PBLD: variants seen among roughly 807,000 people sequenced by gnomAD.
The protein encoded by PBLD is phenazine biosynthesis like protein domain containing.
PBLD carries 26 observed loss-of-function variants against 31.3 expected under a neutral mutation model. The observed-to-expected ratio is 0.83, with a 90% confidence interval of 0.61 to 1.15. The LOEUF (loss-of-function observed/expected upper bound fraction) is 1.15. Among genes scored for constraint, PBLD ranks in the 50% most tolerant of loss-of-function variants. The pLI, the probability that PBLD is intolerant of heterozygous loss-of-function variation, is 0.00. For missense variants in PBLD, 307 were observed against 351.7 expected (o/e 0.87, Z 1.02); for synonymous variants, 114 against 129.0 (o/e 0.88, Z 0.79).
chr10:68,297,162 T>C, intron 2 of PBLD, 177 bp from the exon 3 acceptor site: 2 of 604,718 alleles, frequency 3.3e-6, no homozygotes, highest in Non-Finnish European at 2.9e-6. Flanking sequence ...CAGAAACCCA[T>C]GCTTGCAGTG....
In PBLD at chr10:68,296,922, T is replaced by C. The variant is rs139798425; in HGVS notation, c.148A>G (p.Ile50Val). The change falls in exon 3 of 10, where the codon ATC (isoleucine) becomes GTC (valine). Residue 50 changes from isoleucine (I) to valine (V), a missense_variant. Transcript: ENST00000358769. ...TTGTCTGTCGGGTGCAGTTTTCGGA[T>C]AAAAGCAGTTTCAGAGAGGTTCATC... The part of the protein sequence containing the change: ...REMNLSETAF[I>V]RKLHPTDNFA... The C allele has an allele frequency of 6.2e-7, 1 of 1,614,050 alleles. No homozygotes were observed. The highest frequency in any genetic ancestry group is 1.3e-5 in the African/African-American group (1 of 75,052).
At chr10:68,310,026 C>G (rs1589664102) in intron 1 of PBLD, among the ~76,000 whole-genome samples, 1 of 148,922 alleles carries the variant, frequency 6.7e-6, no homozygotes, top group East Asian at 2.1e-4. Context: ...ATCCCACCTA[C>G]TTGGGAGGCT....
chr10:68,301,390 T>C (rs1564729908), intron 2 of PBLD, among the ~76,000 whole-genome samples: 2 of 152,060 alleles, frequency 1.3e-5, no homozygotes, highest in South Asian at 2.1e-4. Flanking sequence ...AAGACAACAA[T>C]GTTAACAATT....
At chr10:68,288,850 A>C in intron 7 of PBLD, 81 bp downstream of exon 7, 1 of 1,405,908 alleles carries the variant, frequency 7.1e-7, no homozygotes. Flanking sequence ...TTGACTGGAC[A>C]CAGCACAGCC....
At chr10:68,319,111 G>GGAAGAAAGAAAGAAA (rs2044791608) in intron 1 of PBLD, among the ~76,000 whole-genome samples, 12 of 115,610 alleles carry the variant, frequency 1.0e-4, no homozygotes, top group Admixed American at 1.8e-4. Flanking sequence ...AAGAAAGAAA[G>GGAAGAAAGAAAGAAA]GAAAAAGAAA....
chr10:68,305,213 A>C (rs2044559169), intron 2 of PBLD, among the ~76,000 whole-genome samples: 1 of 152,030 alleles, frequency 6.6e-6, no homozygotes, highest in South Asian at 2.1e-4. Flanking sequence ...TAAAGTTTTA[A>C]AAAATAAAAA....
At chr10:68,321,779 C>T (rs2044838298) in intron 1 of PBLD, among the ~76,000 whole-genome samples, 2 of 152,138 alleles carry the variant, frequency 1.3e-5, no homozygotes, top group South Asian at 2.1e-4. Context: ...GAAGCAAGAA[C>T]AATTTGAGTA....
At chr10:68,294,870 G>A (rs1175703423) in intron 4 of PBLD, among the ~76,000 whole-genome samples, 2 of 152,162 alleles carry the variant, frequency 1.3e-5, no homozygotes, top group African/African-American at 4.8e-5. Flanking sequence ...TGGGACTACC[G>A]GCGCCCGCCA....
chr10:68,297,992 A>C (rs908436395), intron 2 of PBLD, among the ~76,000 whole-genome samples: 4 of 151,056 alleles, frequency 2.6e-5, no homozygotes, highest in Admixed American at 6.6e-5. Context: ...TTAGCTGGGC[A>C]TGGTGGCTTA....
At position 68,288,953 on chromosome 10, in the gene PBLD, G is replaced by A. The variant is rs756908917; in HGVS notation, c.490C>T (p.Arg164Cys). 4.4e-5 allele frequency: 71 copies of A among 1,614,128 alleles called. No homozygotes were observed. The highest frequency in any genetic ancestry group is 1.1e-4 in the South Asian group (10 of 91,074). The change falls in exon 7 of 10, where the codon CGC (arginine) becomes TGC (cysteine). Residue 164 changes from arginine to cysteine, a missense_variant. Physicochemically the swap from Arg to Cys is radical, Grantham distance 180. Transcript: ENST00000358769. Reference sequence around the variant, plus strand: ...TACCTGTTGTAAACGTCACTGAGGCGGACGAGGAGCTTTTGGGTATCTGGA... The same window carrying A: ...TACCTGTTGTAAACGTCACTGAGGCAGACGAGGAGCTTTTGGGTATCTGGA... ...YSPDTQKLLV[R>C]LSDVYNRSFL...
intron 1 of PBLD, among the ~76,000 whole-genome samples, chr10:68,319,985 G>A (rs1195689323): frequency 1.3e-5 from 2 of 151,658 alleles, no homozygotes; most frequent in African/African-American, 4.8e-5. Flanking sequence ...CATCACGCCC[G>A]GCTAATTTTG....
intron 4 of PBLD, 69 bp downstream of exon 4, chr10:68,296,197 G>T: frequency 5.2e-6 from 6 of 1,145,326 alleles, no homozygotes; most frequent in Non-Finnish European, 6.3e-6. Flanking sequence ...CAGAAAAAGT[G>T]TGTGTGAGAA....
At chr10:68,294,925 G>T (rs896275770) in intron 4 of PBLD, among the ~76,000 whole-genome samples, 11 of 151,940 alleles carry the variant, frequency 7.2e-5, no homozygotes, top group Non-Finnish European at 1.6e-4. Flanking sequence ...ACGGGGTTTT[G>T]CCCATCCCCC....
intron 9 of PBLD, chr10:68,285,025 G>A: frequency 1.7e-6 from 2 of 1,181,726 alleles, no homozygotes; most frequent in Non-Finnish European, 2.1e-6. Flanking sequence ...TAGCAGTAAG[G>A]AACCTTGGTC....
chr10:68,319,187 G>C (rs191508635), intron 1 of PBLD, among the ~76,000 whole-genome samples: 52 of 148,158 alleles, frequency 3.5e-4, no homozygotes, highest in African/African-American at 1.2e-3. Flanking sequence ...CACTGATGGA[G>C]AGTGAAAAAA....
At chr10:68,286,085 C>CTT (rs71009034) in intron 8 of PBLD, among the ~76,000 whole-genome samples, 6 of 103,422 alleles carry the variant, frequency 5.8e-5, no homozygotes, top group African/African-American at 1.5e-4. Flanking sequence ...TTGAATAATT[C>CTT]TTTTTTTTTT....
intron 2 of PBLD, among the ~76,000 whole-genome samples, chr10:68,300,359 G>A (rs1034276891): frequency 1.3e-5 from 2 of 152,078 alleles, no homozygotes; most frequent in African/African-American, 2.4e-5. Flanking sequence ...AAAGACAAAC[G>A]ATTATTAACC....
At chr10:68,289,847 G>A (rs1474186032) in intron 6 of PBLD, among the ~76,000 whole-genome samples, 2 of 152,082 alleles carry the variant, frequency 1.3e-5, no homozygotes, top group South Asian at 2.1e-4. Context: ...CAATTAGAAC[G>A]TTCCACACGG....
chr10:68,306,955 C>T (rs1589661441), intron 1 of PBLD, 52 bp from the exon 2 acceptor site: 1 of 737,672 alleles, frequency 1.4e-6, no homozygotes, highest in East Asian at 2.7e-5. Context: ...TGTCCAGACG[C>T]AAAGAACAGT....
Sources: gnomAD v4.1 joint callset for allele counts (sites outside exome capture counted in the v4.1 genomes callset) on GRCh38, gnomAD v4.1.1 for gene constraint, MANE v1.5 for transcripts, NCBI Gene and HGNC (gene_info 2026-07-23, HGNC 2026-07-21) for gene names.